The following JPH3 variants were observed in gnomAD, a reference collection of about 807,000 sequenced individuals.
JPH3 encodes junctophilin 3.
In JPH3, 11 loss-of-function variants were observed where a neutral mutation model predicts 59.6. The ratio of observed to expected loss-of-function variants is 0.18; its 90% CI spans 0.12 to 0.31. The LOEUF (loss-of-function observed/expected upper bound fraction) is 0.31. JPH3 is among the 10% of genes least tolerant of loss of function. The pLI is 1.00. For synonymous variants in JPH3, 673 were observed against 483.6 expected, an observed-to-expected ratio of 1.39 and a Z score of -5.14; for missense variants, 1,202 against 1,105.7, an observed-to-expected ratio of 1.09 and a Z score of -1.24.
chr16:87,647,752 C>T (rs536381920), intron 2 of JPH3, among the ~76,000 whole-genome samples: 38 of 152,326 alleles, frequency 2.5e-4, no homozygotes, highest in African/African-American at 8.4e-4. Context: ...CACGTCCATG[C>T]GCACCTGTGG....
intron 2 of JPH3, 110 bp from the exon 3 acceptor site, chr16:87,684,032 C>T: frequency 1.4e-6 from 1 of 702,358 alleles, no homozygotes; most frequent in Non-Finnish European, 2.5e-6. Flanking sequence ...GGGGTGCCAG[C>T]ATCTTGTCTT....
chr16:87,603,565 G>A, intron 1 of JPH3, 37 bp downstream of exon 1: 1 of 1,533,794 alleles, frequency 6.5e-7, no homozygotes, highest in South Asian at 1.2e-5. Flanking sequence ...GGGGCGGGAG[G>A]GACGTGCTTC....
chr16:87,671,788 C>T (rs992968777), intron 2 of JPH3, among the ~76,000 whole-genome samples: 1 of 152,210 alleles, frequency 6.6e-6, no homozygotes, highest in African/African-American at 2.4e-5. Context: ...CTGGGCTGGT[C>T]CTGAGCCCAC....
chr16:87,652,501 C>T (rs1282691528), intron 2 of JPH3, among the ~76,000 whole-genome samples: 1 of 152,228 alleles, frequency 6.6e-6, no homozygotes, highest in Non-Finnish European at 1.5e-5. Context: ...TCTTACTCTG[C>T]CGTCCAGGCC....
chr16:87,681,125 C>T (rs1219875943), intron 2 of JPH3, among the ~76,000 whole-genome samples: 1 of 152,008 alleles, frequency 6.6e-6, no homozygotes, highest in Non-Finnish European at 1.5e-5. Flanking sequence ...TCCGGGAGGT[C>T]AGGTGCGCGC....
rs2033974365 is a variant in JPH3, at chr16:87,698,049, TTAGCTGTTTCTCTGC to T, written c.*1392_*1406del. 1 of 152,660 alleles carries T rather than the reference TTAGCTGTTTCTCTGC, an allele frequency of 6.6e-6. No individual in the cohort carries two copies. The highest frequency in any genetic ancestry group is 6.5e-5 in the Admixed American group (1 of 15,280). 9.5% of individuals were successfully genotyped at this position (152,660 alleles called of 1,614,324 possible). A position where few individuals can be genotyped will look rare whatever the true frequency, so the allele number is the denominator to read the frequency against. On this transcript the variant is annotated 3_prime_UTR_variant, in exon 5 of 5. Transcript: ENST00000284262. ...GGACTCTGCCTTGCTTTGCTTATGT[TTAGCTGTTTCTCTGC>T]TACCTTTCGAGCAGACTTCTTTACT...
chr16:87,688,866 G>A (rs939965926), intron 3 of JPH3, among the ~76,000 whole-genome samples: 29 of 152,322 alleles, frequency 1.9e-4, no homozygotes, highest in South Asian at 8.3e-4. Context: ...CAGGAAATGA[G>A]ATCCCAGTCA....
At chr16:87,688,182 C>T (rs1597292241) in intron 3 of JPH3, among the ~76,000 whole-genome samples, 1 of 152,114 alleles carries the variant, frequency 6.6e-6, no homozygotes, top group South Asian at 2.1e-4. Flanking sequence ...TCATTGAGAC[C>T]TCAGAGTGGC....
rs1040401547 is a variant in JPH3, at chr16:87,603,238, C to T, written c.92C>T (p.Thr31Ile). The T allele has an allele frequency of 5.0e-6, 8 of 1,613,734 alleles. No individual in the cohort carries two copies. Among genetic ancestry groups the T allele is most frequent in the Admixed American group, 1.7e-5 (1 of 60,014 alleles). ...DGKAHGHGVC[T>I]GPKGQGEYTG... ...AAGGCGCACGGCCATGGCGTCTGCA[C>T]CGGCCCCAAGGGCCAAGGCGAATAC... Residue 31 changes from threonine (T) to isoleucine (I), a missense_variant, in exon 1 of 5, where the codon ACC (threonine) becomes ATC (isoleucine). By Grantham distance (89) the Thr-to-Ile change is moderately conservative. Coordinates refer to ENST00000284262, the MANE Select transcript of JPH3 (RefSeq NM_020655.4).
chr16:87,636,271 C>T (rs756646840), intron 1 of JPH3, among the ~76,000 whole-genome samples: 26 of 152,348 alleles, frequency 1.7e-4, no homozygotes, highest in African/African-American at 4.6e-4. Flanking sequence ...GCATCTGCGC[C>T]GTTCAGCTCA....
chr16:87,696,454 A>G (rs2142855343), intron 4 of JPH3, 126 bp from the exon 5 acceptor site: 1 of 762,144 alleles, frequency 1.3e-6, no homozygotes. Flanking sequence ...CGTTTCTAAC[A>G]TCCTCCCGTA....
intron 1 of JPH3, among the ~76,000 whole-genome samples, chr16:87,622,841 G>A (rs1304301092): frequency 6.6e-6 from 1 of 152,162 alleles, no homozygotes; most frequent in Non-Finnish European, 1.5e-5. Context: ...AGGTGGTGTA[G>A]CCAGTGCCCT....
intron 4 of JPH3, among the ~76,000 whole-genome samples, chr16:87,691,447 G>A (rs1379643943): frequency 6.6e-6 from 1 of 152,200 alleles, no homozygotes; most frequent in African/African-American, 2.4e-5. Flanking sequence ...TCTGCCCCTC[G>A]GGTGTGAGGA....
intron 2 of JPH3, among the ~76,000 whole-genome samples, chr16:87,650,645 T>C (rs4843652): frequency 0.48 from 72,846 of 152,062 alleles, 18,385 homozygotes; most frequent in African/African-American, 0.63. Context: ...ACATGAATGA[T>C]AAGGGAGTGA....
At chr16:87,642,304 C>T (rs2031981783) in intron 1 of JPH3, among the ~76,000 whole-genome samples, 1 of 152,078 alleles carries the variant, frequency 6.6e-6, no homozygotes, top group African/African-American at 2.4e-5. Context: ...CGGCACCTGC[C>T]ACCCGCTGCA....
intron 1 of JPH3, among the ~76,000 whole-genome samples, chr16:87,608,160 GAA>G (rs1567579899): frequency 2.6e-5 from 4 of 152,220 alleles, no homozygotes; most frequent in Admixed American, 2.0e-4. Flanking sequence ...AGGAGAGAGA[GAA>G]CTCTGACCCC....
At chr16:87,658,283 G>A (rs1226875565) in intron 2 of JPH3, among the ~76,000 whole-genome samples, 2 of 152,180 alleles carry the variant, frequency 1.3e-5, no homozygotes, top group Non-Finnish European at 2.9e-5. Context: ...CAGGGATTCT[G>A]CATTGTCTGC....
chr16:87,626,953 C>T (rs1483861453), intron 1 of JPH3, among the ~76,000 whole-genome samples: 1 of 152,154 alleles, frequency 6.6e-6, no homozygotes, highest in Non-Finnish European at 1.5e-5. Context: ...CCAGCCTGGA[C>T]AACATAGTGA....
chr16:87,606,314 C>T (rs539593772), intron 1 of JPH3, among the ~76,000 whole-genome samples: 7 of 152,362 alleles, frequency 4.6e-5, no homozygotes, highest in Admixed American at 6.5e-5. Flanking sequence ...GGGGAAATGG[C>T]GATTTTCATG....
Sources: gnomAD v4.1 joint callset for allele counts (sites outside exome capture counted in the v4.1 genomes callset) on GRCh38, gnomAD v4.1.1 for gene constraint, MANE v1.5 for transcripts, NCBI Gene and HGNC (gene_info 2026-07-23, HGNC 2026-07-21) for gene names.